The following CCDC73 variants were observed in gnomAD, a reference collection of about 807,000 sequenced individuals.
The protein encoded by CCDC73 is coiled-coil domain containing 73, also known as coiled-coil domain-containing protein 73.
A neutral mutation model predicts 116.5 loss-of-function variants in CCDC73; 95 were observed. The observed-to-expected ratio is 0.82, with a 90% confidence interval of 0.69 to 0.97. CCDC73 has a LOEUF of 0.97. CCDC73 is among the 50% of genes least tolerant of loss of function. The pLI is 0.00. For missense variants in CCDC73, 1,066 were observed against 1,206.8 expected (o/e 0.88, Z 1.73); for synonymous variants, 398 against 401.3 (o/e 0.99, Z 0.10).
chr11:32,781,909 C>A (rs1296717763), intron 1 of CCDC73, among the ~76,000 whole-genome samples: 1 of 152,144 alleles, frequency 6.6e-6, no homozygotes, highest in Non-Finnish European at 1.5e-5. Context: ...CCAGGCCACG[C>A]AGCAGGAGGT....
At chr11:32,764,112 G>A (rs988496578) in intron 1 of CCDC73, among the ~76,000 whole-genome samples, 2 of 152,200 alleles carry the variant, frequency 1.3e-5, no homozygotes, top group Admixed American at 6.5e-5. Flanking sequence ...ATGGGACGAT[G>A]TGAAAAGACC....
At chr11:32,624,089 C>A (rs1172708653) in intron 14 of CCDC73, among the ~76,000 whole-genome samples, 2 of 151,714 alleles carry the variant, frequency 1.3e-5, no homozygotes, top group African/African-American at 2.4e-5. Flanking sequence ...GTAATCCCAG[C>A]ATTTTGGGAG....
At chr11:32,689,895 C>T (rs1856238930) in intron 6 of CCDC73, among the ~76,000 whole-genome samples, 3 of 151,892 alleles carry the variant, frequency 2.0e-5, no homozygotes, top group East Asian at 1.9e-4. Flanking sequence ...CTCAGGAGGC[C>T]GAGGCAGGAG....
intron 2 of CCDC73, among the ~76,000 whole-genome samples, chr11:32,756,526 A>G (rs1487443195): frequency 8.7e-5 from 13 of 149,306 alleles, no homozygotes; most frequent in Non-Finnish European, 1.9e-4. Flanking sequence ...CATCAAGTCC[A>G]AGATAATTTA....
At chr11:32,730,973 G>A (rs910799567) in intron 2 of CCDC73, among the ~76,000 whole-genome samples, 2 of 152,172 alleles carry the variant, frequency 1.3e-5, no homozygotes, top group Admixed American at 6.5e-5. Context: ...AGCAGGGCGA[G>A]GCATCATCTC....
chr11:32,766,267 C>T (rs1565097009), intron 1 of CCDC73, among the ~76,000 whole-genome samples: 1 of 152,204 alleles, frequency 6.6e-6, no homozygotes, highest in Non-Finnish European at 1.5e-5. Context: ...GCCCTTCATG[C>T]TAAAAACTCT....
At chr11:32,702,234 G>A (rs1402897448) in intron 4 of CCDC73, among the ~76,000 whole-genome samples, 2 of 152,106 alleles carry the variant, frequency 1.3e-5, no homozygotes, top group East Asian at 3.8e-4. Context: ...AACTTTCAGA[G>A]GATATTTTAC....
At chr11:32,794,980 T>A (rs920846584), upstream of CCDC73, among the ~76,000 whole-genome samples, 7 of 152,020 alleles carry the variant, frequency 4.6e-5, no homozygotes, top group Admixed American at 2.0e-4. Context: ...TTCTCCTGCC[T>A]CAGCCTCCCG....
intron 2 of CCDC73, among the ~76,000 whole-genome samples, chr11:32,723,833 T>A (rs1287632744): frequency 6.8e-6 from 1 of 147,808 alleles, no homozygotes; most frequent in Non-Finnish European, 1.5e-5. Context: ...AGAGACAACA[T>A]TTTTTATTAA....
chr11:32,815,117 T>A, the CCDC73 span, among the ~76,000 whole-genome samples: 1,957 of 152,266 alleles, frequency 0.013, 40 homozygotes, highest in African/African-American at 0.045. Context: ...GTTGTGATAG[T>A]TTTACCACCT....
At chr11:32,794,924 G>C (rs1850710923), upstream of CCDC73, among the ~76,000 whole-genome samples, 1 of 151,472 alleles carries the variant, frequency 6.6e-6, no homozygotes. Flanking sequence ...GAGTGGAGTG[G>C]CGCGATCTCG....
At position 32,653,389 on chromosome 11, in the gene CCDC73, T is replaced by C. The variant is rs534687285; in HGVS notation, c.835-162A>G. ...GGCACATCTAATGGTATCTAAAATT[T>C]CTATTACATTATTTCCAAGAGTCCC... On this transcript the variant is annotated intron_variant, in intron 11 of 17. Transcript: ENST00000335185. Among the ~76,000 whole-genome samples, 4 of 152,340 alleles carry C rather than the reference T, an allele frequency of 2.6e-5. No homozygotes were observed. In the South Asian group the frequency reaches 8.3e-4, roughly 32 times the overall value.
intron 2 of CCDC73, chr11:32,758,412 C>G (rs1257593839): frequency 2.0e-6 from 1 of 494,628 alleles, no homozygotes; most frequent in Non-Finnish European, 4.0e-6. Flanking sequence ...ACGTGGCATG[C>G]CTCCAAGTAG....
At chr11:32,829,632 G>A in the CCDC73 span, 13 of 444,064 alleles carry the variant, frequency 2.9e-5, no homozygotes, top group Admixed American at 8.3e-4. Flanking sequence ...CCCTGGACGC[G>A]CCGAGGGCGC....
At chr11:32,816,517 C>T in the CCDC73 span, among the ~76,000 whole-genome samples, 1 of 152,078 alleles carries the variant, frequency 6.6e-6, no homozygotes. Flanking sequence ...TCAGGATAGA[C>T]TCTGATGCCC....
In CCDC73 at chr11:32,727,903, G is replaced by T. The variant is rs188399113; in HGVS notation, c.136-9756C>A. 1.6e-3 allele frequency among the ~76,000 whole-genome samples: 237 copies of T among 152,066 alleles called. 7 individuals carry two copies. The South Asian group carries it at 0.045, about 29-fold the overall frequency. ...TTATTACTGTGATTTTTCTAAGGGTGATTTTTCTATTTCTCCTTTTCCTCC... is the reference window on the plus strand; with the variant it reads ...TTATTACTGTGATTTTTCTAAGGGTTATTTTTCTATTTCTCCTTTTCCTCC... On this transcript the variant is annotated intron_variant, in intron 2 of 17. Transcript: ENST00000335185.
intron 15 of CCDC73, 144 bp downstream of exon 15, chr11:32,615,796 G>T: frequency 1.3e-6 from 1 of 786,112 alleles, no homozygotes; most frequent in Non-Finnish European, 1.9e-6. Flanking sequence ...AACATTCTCA[G>T]CAAAACAGTG....
At chr11:32,750,795 G>A (rs1172059844) in intron 2 of CCDC73, among the ~76,000 whole-genome samples, 3 of 152,166 alleles carry the variant, frequency 2.0e-5, no homozygotes, top group African/African-American at 4.8e-5. Flanking sequence ...CCCACTTGGT[G>A]CTCTTCCCCA....
Position 32,653,188 on chromosome 11 carries a change from G to A in CCDC73, c.874C>T (p.Arg292Trp), listed in dbSNP as rs201552334. 608 of 1,611,384 alleles carry A rather than the reference G, an allele frequency of 3.8e-4. No individual in the cohort carries two copies. The highest frequency in any genetic ancestry group is 4.8e-4 in the Non-Finnish European group (568 of 1,178,688). ...TCAGTATTAGCTTGAATTTGTTGCC[G>A]AAGTAACTGCTGCATATGTTGGAAA... ...ISFQHMQQLL[R>W]QQIQANTEME... is the part of the protein sequence containing the mutation. Residue 292 changes from arginine to tryptophan, a missense_variant, in exon 12 of 18, where the codon CGG becomes TGG. Coordinates refer to ENST00000335185, the MANE Select transcript of CCDC73 (RefSeq NM_001008391.4).
Sources: gnomAD v4.1 joint callset for allele counts (sites outside exome capture counted in the v4.1 genomes callset) on GRCh38, gnomAD v4.1.1 for gene constraint, MANE v1.5 for transcripts, NCBI Gene and HGNC (gene_info 2026-07-23, HGNC 2026-07-21) for gene names.